MTA3: variants seen among roughly 807,000 people sequenced by gnomAD.
MTA3 encodes metastasis-associated protein MTA3.
Under a neutral mutation model 83.5 loss-of-function variants are expected in MTA3, and 34 were observed. That is an observed-to-expected ratio of 0.41 (90% CI 0.31 to 0.54). The LOEUF (loss-of-function observed/expected upper bound fraction) is 0.54. Among genes scored for constraint, MTA3 ranks in the 20% least tolerant of loss-of-function variants. MTA3 has a pLI of 0.33. For missense variants in MTA3, 761 were observed against 726.4 expected (o/e 1.05, Z -0.55); for synonymous variants, 303 against 252.7 (o/e 1.20, Z -1.89).
At chr2:42,589,208 A>C (rs1459070686) in intron 3 of MTA3, among the ~76,000 whole-genome samples, 4 of 152,230 alleles carry the variant, frequency 2.6e-5, no homozygotes, top group Non-Finnish European at 4.4e-5. Context: ...AAGTTGAAGT[A>C]ATGAAGTAAT....
intron 6 of MTA3, among the ~76,000 whole-genome samples, chr2:42,652,186 T>G (rs1244451371): frequency 6.6e-6 from 1 of 152,192 alleles, no homozygotes; most frequent in Non-Finnish European, 1.5e-5. Flanking sequence ...TGGATGAACC[T>G]TCGAGGTAAT....
At chr2:42,748,201 T>TGTGTG (rs1553402307) in intron 16 of MTA3, among the ~76,000 whole-genome samples, 6,251 of 137,654 alleles carry the variant, frequency 0.045, 219 homozygotes, top group Middle Eastern at 0.081. Flanking sequence ...GCTAATGTGT[T>TGTGTG]TGTGTGTGTG....
chr2:42,697,781 T>C lies in MTA3; in HGVS notation c.972T>C (p.Arg324=). Residue 324 remains arginine, a synonymous_variant, in exon 11 of 17, where the codon CGT becomes CGC. Coordinates refer to ENST00000405094, the MANE Select transcript of MTA3 (RefSeq NM_001330442.2). The part of the protein sequence containing the change: ...KTTDRYVQQK[R]LKAAEAESKL... ...TTATTCATCTTTTGAATTAGAAACG[T>C]CTAAAAGCAGCAGAAGCTGAGAGTA... 1 of 1,541,938 alleles carries C rather than the reference T, an allele frequency of 6.5e-7. No homozygotes were observed. The highest frequency in any genetic ancestry group is 1.3e-5 in the South Asian group (1 of 77,914).
chr2:42,666,148 G>T (rs572326874), intron 8 of MTA3, among the ~76,000 whole-genome samples: 2 of 151,574 alleles, frequency 1.3e-5, no homozygotes, highest in Non-Finnish European at 2.9e-5. Context: ...GTGGTGGCAC[G>T]CACCTGTAGT....
intron 3 of MTA3, among the ~76,000 whole-genome samples, chr2:42,593,207 C>G (rs1359728250): frequency 6.6e-6 from 1 of 151,272 alleles, no homozygotes; most frequent in African/African-American, 2.4e-5. Context: ...AGTATATTGG[C>G]CAGGTGCAGT....
chr2:42,680,984 C>G (rs961001918), intron 8 of MTA3, among the ~76,000 whole-genome samples: 1 of 152,188 alleles, frequency 6.6e-6, no homozygotes, highest in African/African-American at 2.4e-5. Context: ...CACCAGCATT[C>G]TGCCCACCTT....
intron 2 of MTA3, among the ~76,000 whole-genome samples, chr2:42,523,596 C>T (rs947600230): frequency 2.0e-5 from 3 of 152,092 alleles, no homozygotes; most frequent in Admixed American, 6.6e-5. Flanking sequence ...TTTAAGCCAC[C>T]GCATTCTGAA....
intron 2 of MTA3, among the ~76,000 whole-genome samples, chr2:42,530,904 A>G (rs904048728): frequency 2.0e-5 from 3 of 152,128 alleles, no homozygotes; most frequent in Admixed American, 1.3e-4. Flanking sequence ...ATCTCAGCTC[A>G]CTACAACCTC....
intron 3 of MTA3, among the ~76,000 whole-genome samples, chr2:42,606,558 G>T (rs1320245764): frequency 1.4e-5 from 2 of 146,938 alleles, no homozygotes; most frequent in African/African-American, 2.5e-5. Context: ...TTCCTAGATG[G>T]GATGGCGGCC....
intron 8 of MTA3, among the ~76,000 whole-genome samples, chr2:42,674,925 T>A (rs913339000): frequency 7.3e-5 from 11 of 151,352 alleles, no homozygotes; most frequent in Non-Finnish European, 1.2e-4. Context: ...CTTTTTTTTT[T>A]AATATAGGCA....
At chr2:42,623,120 G>A (rs181549159) in intron 4 of MTA3, among the ~76,000 whole-genome samples, 12 of 152,336 alleles carry the variant, frequency 7.9e-5, no homozygotes, top group Admixed American at 6.5e-4. Flanking sequence ...TTGCCAGACA[G>A]CAATAACTCA....
intron 2 of MTA3, among the ~76,000 whole-genome samples, chr2:42,554,838 C>A (rs1408643325): frequency 6.6e-6 from 1 of 152,162 alleles, no homozygotes; most frequent in Non-Finnish European, 1.5e-5. Context: ...AGAATCACTA[C>A]CAGAGGATGG....
rs901497841 is a variant in MTA3 at position 42,599,486 on chromosome 2, A to C, written c.191-9972A>C. Among the ~76,000 whole-genome samples, 6 of 152,044 alleles carry C rather than the reference A, an allele frequency of 3.9e-5. No homozygotes were observed. In the East Asian group the frequency reaches 1.2e-3, roughly 30 times the overall value. On this transcript the variant is annotated intron_variant, in intron 3 of 16. Transcript: ENST00000405094. ...TGGCGGGCGCCTCCAGCTACTCAGG[A>C]GGGTGAGGTAGGAGAATGGCGTGAA...
At chr2:42,525,194 C>CT (rs1432297541) in intron 2 of MTA3, among the ~76,000 whole-genome samples, 72 of 122,002 alleles carry the variant, frequency 5.9e-4, no homozygotes, top group African/African-American at 2.1e-3. Context: ...TTTTCTTCTT[C>CT]TTCTTTTTTT....
intron 2 of MTA3, among the ~76,000 whole-genome samples, chr2:42,553,973 C>T (rs1413703870): frequency 1.3e-5 from 2 of 151,098 alleles, no homozygotes; most frequent in Non-Finnish European, 2.9e-5. Flanking sequence ...GTGGCTCACG[C>T]GTGTAATCCC....
At chr2:42,574,823 C>T (rs903548265) in intron 2 of MTA3, among the ~76,000 whole-genome samples, 1 of 152,222 alleles carries the variant, frequency 6.6e-6, no homozygotes, top group African/African-American at 2.4e-5. Context: ...TCTCTCAAAG[C>T]ACTGGGATTA....
At chr2:42,719,264 A>G (rs1667241938) in intron 15 of MTA3, among the ~76,000 whole-genome samples, 190 bp downstream of exon 15, 1 of 152,228 alleles carries the variant, frequency 6.6e-6, no homozygotes, top group African/African-American at 2.4e-5. Context: ...ACACACATAC[A>G]CACACAGATT....
intron 6 of MTA3, among the ~76,000 whole-genome samples, chr2:42,653,171 T>C (rs1389272522): frequency 6.6e-6 from 1 of 152,230 alleles, no homozygotes; most frequent in Non-Finnish European, 1.5e-5. Flanking sequence ...CTGTATACAA[T>C]CACACATTTA....
In MTA3 at chr2:42,664,466, C is replaced by CTTTT. The variant is rs35633597; in HGVS notation, c.702+4629_702+4632dup. Among the ~76,000 whole-genome samples the CTTTT allele has an allele frequency of 1.3e-4, 11 of 85,758 alleles. 2 individuals carry two copies. The highest frequency in any genetic ancestry group is 3.3e-4 in the African/African-American group (7 of 21,052). 56.3% of individuals were successfully genotyped at this position (85,758 alleles called of 152,430 possible). ...CCTACTACCCCCTCACCCCGCTTAC[C>CTTTT]TTTTTTTTTTTTTTTTTTTTTTTTT... On this transcript the variant is annotated intron_variant, in intron 8 of 16. Transcript: ENST00000405094.
Sources: gnomAD v4.1 joint callset for allele counts (sites outside exome capture counted in the v4.1 genomes callset) on GRCh38, gnomAD v4.1.1 for gene constraint, MANE v1.5 for transcripts, NCBI Gene and HGNC (gene_info 2026-07-23, HGNC 2026-07-21) for gene names.